EXOC6B: variants seen among roughly 807,000 people sequenced by gnomAD.
EXOC6B encodes the protein SEC15 homolog B.
EXOC6B carries 54 observed loss-of-function variants against 113.5 expected under a neutral mutation model. The observed-to-expected ratio is 0.48, with a 90% CI of 0.38 to 0.60. The LOEUF (loss-of-function observed/expected upper bound fraction) is 0.60, where lower values mean the gene tolerates loss of function less well. Ranked by LOEUF, EXOC6B falls within the 20% of genes least tolerant of loss-of-function variation. EXOC6B has a pLI of 0.00. For missense variants in EXOC6B, 797 were observed against 977.5 expected, an observed-to-expected ratio of 0.82 and a Z score of 2.46; for synonymous variants, 357 against 339.0, an observed-to-expected ratio of 1.05 and a Z score of -0.58.
chr2:72,699,954 G>A (rs1678193032), intron 6 of EXOC6B, among the ~76,000 whole-genome samples: 2 of 152,108 alleles, frequency 1.3e-5, no homozygotes, highest in Admixed American at 6.5e-5. Flanking sequence ...ACCAGTATCT[G>A]TGGATGCTCA....
intron 17 of EXOC6B, among the ~76,000 whole-genome samples, chr2:72,466,110 C>A (rs1404725635): frequency 6.6e-6 from 1 of 151,864 alleles, no homozygotes; most frequent in African/African-American, 2.4e-5. Context: ...TTTGGGAGGC[C>A]GAAGTGGGTG....
intron 7 of EXOC6B, among the ~76,000 whole-genome samples, chr2:72,571,918 A>G (rs1278727631): frequency 6.6e-6 from 1 of 152,198 alleles, no homozygotes; most frequent in African/African-American, 2.4e-5. Context: ...ATAGCCTTAA[A>G]ATGTTATTCA....
intron 18 of EXOC6B, among the ~76,000 whole-genome samples, chr2:72,456,030 G>A (rs1283538033): frequency 6.6e-6 from 1 of 152,012 alleles, no homozygotes; most frequent in Non-Finnish European, 1.5e-5. Context: ...ACCCTGTTAG[G>A]CCTCAGCTTC....
chr2:72,743,679 C>T (rs1681502099), intron 1 of EXOC6B, among the ~76,000 whole-genome samples: 1 of 152,162 alleles, frequency 6.6e-6, no homozygotes, highest in African/African-American at 2.4e-5. Context: ...AGGTAGTAGA[C>T]AATAAGTAAA....
intron 8 of EXOC6B, among the ~76,000 whole-genome samples, chr2:72,543,217 C>T (rs866027937): frequency 3.3e-5 from 5 of 151,970 alleles, no homozygotes; most frequent in Admixed American, 6.6e-5. Context: ...AGGCTAAGGA[C>T]AGAATATGGA....
intron 20 of EXOC6B, among the ~76,000 whole-genome samples, chr2:72,196,177 T>C (rs1340936950): frequency 6.6e-6 from 1 of 152,202 alleles, no homozygotes; most frequent in East Asian, 1.9e-4. Context: ...TGCAAATTCA[T>C]AATGAAAATG....
chr2:72,660,771 GGAA>G (rs900152847), intron 6 of EXOC6B, among the ~76,000 whole-genome samples: 9 of 151,668 alleles, frequency 5.9e-5, no homozygotes, highest in African/African-American at 2.2e-4. Flanking sequence ...GGTAGATTGA[GGAA>G]GAAGACCAGA....
chr2:72,572,397 A>C (rs1704570439), intron 7 of EXOC6B, among the ~76,000 whole-genome samples: 1 of 152,202 alleles, frequency 6.6e-6, no homozygotes, highest in Admixed American at 6.5e-5. Context: ...GTTGGACAAA[A>C]CAGTTCTTAA....
At chr2:72,796,269 G>A (rs554297913) in intron 1 of EXOC6B, among the ~76,000 whole-genome samples, 111 of 151,560 alleles carry the variant, frequency 7.3e-4, no homozygotes, top group African/African-American at 2.5e-3. Context: ...CCTGGCCAAT[G>A]TTGGTGAAAC....
In EXOC6B at chr2:72,575,636, G is replaced by A. The variant is rs1704794200; in HGVS notation, c.702C>T (p.Val234=). Residue 234 remains valine, a synonymous_variant, in exon 7 of 22, where the codon GTC becomes GTT. Coordinates refer to ENST00000272427, the MANE Select transcript of EXOC6B (RefSeq NM_015189.3). Reference sequence around the variant, plus strand: ...TGCTACCTATTCTGGGTTGTTGCAAGACGATGTTATCCAGGTTTCTTTGCT... The same window carrying A: ...TGCTACCTATTCTGGGTTGTTGCAAAACGATGTTATCCAGGTTTCTTTGCT... ...AQQQRNLDNI[V]LQQPRIGSKR... 1.9e-6 allele frequency: 3 copies of A among 1,603,588 alleles called. No homozygotes were observed. The highest frequency in any genetic ancestry group is 2.6e-6 in the Non-Finnish European group (3 of 1,175,998).
At position 72,485,541 on chromosome 2, in the gene EXOC6B, A is replaced by T. The variant is rs74538471; in HGVS notation, c.1666-4791T>A. On this transcript the variant is annotated intron_variant, in intron 16 of 21. Transcript: ENST00000272427. ...TCCATTTCACCCCAGTCAGGGTACA[A>T]AAAACTGTGTCAACCACTCATTTTA... Among the ~76,000 whole-genome samples the T allele has an allele frequency of 2.0e-3, 307 of 152,326 alleles. 1 individual carries two copies. The highest frequency in any genetic ancestry group is 7.0e-3 in the African/African-American group (289 of 41,570).
intron 6 of EXOC6B, among the ~76,000 whole-genome samples, chr2:72,600,482 T>C (rs1422589289): frequency 6.7e-6 from 1 of 149,260 alleles, no homozygotes; most frequent in Non-Finnish European, 1.5e-5. Flanking sequence ...TAACTAAGAT[T>C]GTGTGATATT....
chr2:72,780,674 T>C (rs1683978288), intron 1 of EXOC6B, among the ~76,000 whole-genome samples: 1 of 152,194 alleles, frequency 6.6e-6, no homozygotes, highest in Admixed American at 6.5e-5. Context: ...GTTTTTCATT[T>C]TAAAATACTA....
At chr2:72,358,411 G>A (rs1690099833) in intron 19 of EXOC6B, among the ~76,000 whole-genome samples, 2 of 152,050 alleles carry the variant, frequency 1.3e-5, no homozygotes, top group African/African-American at 2.4e-5. Flanking sequence ...ATAGCTAGTC[G>A]TTGGCAAAAT....
At chr2:72,643,526 C>T (rs1184428029) in intron 6 of EXOC6B, among the ~76,000 whole-genome samples, 2 of 147,402 alleles carry the variant, frequency 1.4e-5, no homozygotes, top group Admixed American at 6.8e-5. Flanking sequence ...AAAAACCAAA[C>T]ACCGCATATT....
intron 6 of EXOC6B, among the ~76,000 whole-genome samples, chr2:72,609,664 G>T (rs1670955315): frequency 6.6e-6 from 1 of 151,758 alleles, no homozygotes; most frequent in South Asian, 2.1e-4. Flanking sequence ...AGAAGGAAAA[G>T]AACAAAAGAT....
intron 20 of EXOC6B, among the ~76,000 whole-genome samples, chr2:72,300,431 C>G (rs996497953): frequency 6.6e-6 from 1 of 152,222 alleles, no homozygotes; most frequent in African/African-American, 2.4e-5. Flanking sequence ...GCAAGAATTT[C>G]AGCCAGTGGA....
chr2:72,568,190 C>T (rs764231573), intron 7 of EXOC6B, among the ~76,000 whole-genome samples: 5 of 151,680 alleles, frequency 3.3e-5, no homozygotes, highest in East Asian at 1.9e-4. Flanking sequence ...GAGGATACAA[C>T]GAGATGTACC....
chr2:72,326,414 G>A (rs1688130882), intron 20 of EXOC6B, among the ~76,000 whole-genome samples: 1 of 152,136 alleles, frequency 6.6e-6, no homozygotes, highest in Non-Finnish European at 1.5e-5. Context: ...TAGACAGGCA[G>A]CAAGGCGTCT....
Sources: gnomAD v4.1 joint callset for allele counts (sites outside exome capture counted in the v4.1 genomes callset) on GRCh38, gnomAD v4.1.1 for gene constraint, MANE v1.5 for transcripts, NCBI Gene and HGNC (gene_info 2026-07-23, HGNC 2026-07-21) for gene names.